Variants in LRMDA observed in about 807,000 individuals in gnomAD.
LRMDA encodes leucine-rich melanocyte differentiation-associated protein.
Under a neutral mutation model 29.8 loss-of-function variants are expected in LRMDA, and 18 were observed. That is an observed-to-expected ratio of 0.60 (90% confidence interval 0.42 to 0.90). LRMDA has a LOEUF of 0.90. Among genes scored for constraint, LRMDA ranks in the 40% least tolerant of loss-of-function variants. The pLI is 0.00. For missense variants in LRMDA, 273 were observed against 273.9 expected, an observed-to-expected ratio of 1.00 and a Z score of 0.02; for synonymous variants, 125 against 109.4, an observed-to-expected ratio of 1.14 and a Z score of -0.89.
intron 2 of LRMDA, among the ~76,000 whole-genome samples, chr10:75,845,400 T>C (rs1460200427): frequency 6.6e-6 from 1 of 152,218 alleles, no homozygotes; most frequent in Non-Finnish European, 1.5e-5. Context: ...TTAACTGGCA[T>C]TTGTTTCAAA....
At chr10:75,596,778 C>T (rs896156115) in intron 2 of LRMDA, among the ~76,000 whole-genome samples, 3 of 152,134 alleles carry the variant, frequency 2.0e-5, no homozygotes, top group Non-Finnish European at 2.9e-5. Flanking sequence ...GGAACTTACT[C>T]TCATATCTAG....
chr10:75,695,550 A>G (rs1281893930), intron 2 of LRMDA, among the ~76,000 whole-genome samples: 1 of 151,930 alleles, frequency 6.6e-6, no homozygotes. Context: ...CTCATCCCTT[A>G]TAGCTGTATC....
intron 5 of LRMDA, among the ~76,000 whole-genome samples, chr10:76,188,935 TACACACACACACACACACAC>T (rs3998129): frequency 7.1e-6 from 1 of 141,636 alleles, no homozygotes; most frequent in African/African-American, 2.5e-5. Context: ...TGATTGCATG[TACACACACACACACACACAC>T]ACACACACAC....
chr10:75,626,153 C>T (rs1027166814), intron 2 of LRMDA, among the ~76,000 whole-genome samples: 6 of 152,078 alleles, frequency 3.9e-5, no homozygotes, highest in African/African-American at 1.4e-4. Flanking sequence ...TGAGCCACCA[C>T]ACCCGGCCAA....
intron 2 of LRMDA, among the ~76,000 whole-genome samples, chr10:75,882,392 G>A (rs1283060780): frequency 3.9e-5 from 6 of 152,122 alleles, no homozygotes. Context: ...ATTTCAAACT[G>A]AATTTCTTTG....
chr10:76,282,003 G>C (rs576023560), intron 5 of LRMDA, among the ~76,000 whole-genome samples: 1 of 152,138 alleles, frequency 6.6e-6, no homozygotes, highest in African/African-American at 2.4e-5. Context: ...GCATTTTTTG[G>C]TGAAAGAAAT....
intron 6 of LRMDA, among the ~76,000 whole-genome samples, chr10:76,334,702 G>T (rs1423900856): frequency 6.6e-6 from 1 of 152,194 alleles, no homozygotes. Flanking sequence ...TATAAAGGGT[G>T]TGGTATTGGG....
chr10:75,873,408 T>C (rs1449609903), intron 2 of LRMDA, among the ~76,000 whole-genome samples: 3 of 152,214 alleles, frequency 2.0e-5, no homozygotes, highest in Non-Finnish European at 4.4e-5. Context: ...CTTTTAGTGA[T>C]TGAGATTTAA....
At chr10:76,376,902 T>TTTTTTTTG (rs1704065586) in intron 6 of LRMDA, among the ~76,000 whole-genome samples, 2 of 118,922 alleles carry the variant, frequency 1.7e-5, no homozygotes, top group Non-Finnish European at 3.3e-5. Context: ...TTTTTTTTTT[T>TTTTTTTTG]TGAGACGTAG....
intron 6 of LRMDA, among the ~76,000 whole-genome samples, chr10:76,475,815 A>C (rs1842663950): frequency 1.3e-5 from 2 of 152,152 alleles, no homozygotes; most frequent in African/African-American, 4.8e-5. Context: ...TACATAACGA[A>C]ATGAAGGCAG....
chr10:76,164,549 A>G (rs1187372121), intron 5 of LRMDA, among the ~76,000 whole-genome samples: 1 of 152,216 alleles, frequency 6.6e-6, no homozygotes, highest in African/African-American at 2.4e-5. Flanking sequence ...CAAAAAACAA[A>G]GAATATTTGA....
At chr10:76,454,540 G>GA (rs889378837) in intron 6 of LRMDA, among the ~76,000 whole-genome samples, 2 of 151,860 alleles carry the variant, frequency 1.3e-5, no homozygotes, top group Admixed American at 6.6e-5. Flanking sequence ...TAAACATAAA[G>GA]AAAAAAAATG....
At chr10:76,297,839 C>T (rs1220935987) in intron 5 of LRMDA, among the ~76,000 whole-genome samples, 1 of 152,152 alleles carries the variant, frequency 6.6e-6, no homozygotes, top group African/African-American at 2.4e-5. Flanking sequence ...AAGGATTAGC[C>T]TATGGCTACA....
chr10:75,943,316 C>G (rs1284421399), intron 2 of LRMDA, among the ~76,000 whole-genome samples: 9 of 152,144 alleles, frequency 5.9e-5, no homozygotes, highest in Admixed American at 4.6e-4. Context: ...TTATAAACAA[C>G]TTAGTCATCC....
chr10:76,470,930 T>A (rs996121650), intron 6 of LRMDA, among the ~76,000 whole-genome samples: 2 of 151,974 alleles, frequency 1.3e-5, no homozygotes, highest in African/African-American at 4.8e-5. Context: ...TAAATTTTGT[T>A]ATGCACGTTA....
intron 2 of LRMDA, among the ~76,000 whole-genome samples, chr10:75,449,043 T>A (rs1203887108): frequency 6.6e-6 from 1 of 150,886 alleles, no homozygotes; most frequent in Non-Finnish European, 1.5e-5. Flanking sequence ...TCCAAGCTAC[T>A]CGGGAGGCTG....
At chr10:76,371,842 A>C (rs1020709221) in intron 6 of LRMDA, among the ~76,000 whole-genome samples, 2 of 152,110 alleles carry the variant, frequency 1.3e-5, no homozygotes, top group African/African-American at 4.8e-5. Flanking sequence ...CTTCTCTGAA[A>C]GCTGTTTCAT....
chr10:75,483,207 A>G (rs887767577), intron 2 of LRMDA, among the ~76,000 whole-genome samples: 3 of 152,132 alleles, frequency 2.0e-5, no homozygotes, highest in Non-Finnish European at 4.4e-5. Flanking sequence ...TCAGCCTCCT[A>G]AAGTGCTGGA....
At chr10:75,994,363 AT>A (rs1847422912) in intron 2 of LRMDA, among the ~76,000 whole-genome samples, 1 of 152,194 alleles carries the variant, frequency 6.6e-6, no homozygotes, top group Non-Finnish European at 1.5e-5. Flanking sequence ...CAGAGGCAGC[AT>A]TTTAGCTCCT....
Sources: gnomAD v4.1 joint callset for allele counts (sites outside exome capture counted in the v4.1 genomes callset) on GRCh38, gnomAD v4.1.1 for gene constraint, MANE v1.5 for transcripts, NCBI Gene and HGNC (gene_info 2026-07-23, HGNC 2026-07-21) for gene names.